The following FLI1 variants were observed in gnomAD, a reference collection of about 807,000 sequenced individuals.
The protein encoded by FLI1 is Fli-1 proto-oncogene, ETS transcription factor.
In FLI1, 13 loss-of-function variants were observed where a neutral mutation model predicts 53.1. The observed-to-expected ratio is 0.24, with a 90% confidence interval of 0.16 to 0.39. FLI1 has a LOEUF of 0.39. Ranked by LOEUF, FLI1 falls within the 10% of genes least tolerant of loss-of-function variation. The probability of loss-of-function intolerance (pLI) is 1.00; values close to 1 mark genes in which losing one functional copy is unlikely to be tolerated. For synonymous variants in FLI1, 244 were observed against 236.7 expected (o/e 1.03, Z -0.28); for missense variants, 424 against 600.5 (o/e 0.71, Z 3.07).
chr11:128,762,443 G>A (rs917971490), intron 2 of FLI1, among the ~76,000 whole-genome samples: 5 of 152,118 alleles, frequency 3.3e-5, no homozygotes, highest in African/African-American at 4.8e-5. Context: ...CTTGAAATAC[G>A]GTTAGTTGAA....
intron 5 of FLI1, among the ~76,000 whole-genome samples, chr11:128,794,672 T>C (rs1942376640): frequency 6.6e-6 from 1 of 152,228 alleles, no homozygotes; most frequent in South Asian, 2.1e-4. Context: ...TCATGAAATA[T>C]CCTTGTTGGA....
upstream of FLI1, chr11:128,686,237 G>A (rs1198823547): frequency 1.2e-5 from 5 of 422,820 alleles, no homozygotes; most frequent in African/African-American, 1.0e-4. Flanking sequence ...CTCTGTCCTG[G>A]TCGCGTTCTC....
At chr11:128,693,941 C>CGAGAGAGAGAGAGAGG (rs1937885478), upstream of FLI1, 46 of 176,744 alleles carry the variant, frequency 2.6e-4, no homozygotes, top group South Asian at 3.9e-3. Context: ...GAGCTCGAGG[C>CGAGAGAGAGAGAGAGG]GAGAGAGAGA....
chr11:128,753,271 C>A (rs969786210), intron 1 of FLI1, among the ~76,000 whole-genome samples: 3 of 152,210 alleles, frequency 2.0e-5, no homozygotes, highest in Non-Finnish European at 2.9e-5. Context: ...AGAGCTGAGC[C>A]CCACATAGGG....
chr11:128,748,805 G>C (rs918871919), intron 1 of FLI1, among the ~76,000 whole-genome samples: 1 of 152,040 alleles, frequency 6.6e-6, no homozygotes, highest in Non-Finnish European at 1.5e-5. Flanking sequence ...TGAGGTGAGG[G>C]GCCAGAGGCA....
At chr11:128,738,855 G>T (rs1940012847) in intron 1 of FLI1, among the ~76,000 whole-genome samples, 1 of 152,176 alleles carries the variant, frequency 6.6e-6, no homozygotes, top group Non-Finnish European at 1.5e-5. Context: ...CAAAGACCCA[G>T]GGCTACATTT....
intron 1 of FLI1, among the ~76,000 whole-genome samples, chr11:128,749,099 C>T (rs972694650): frequency 1.3e-5 from 2 of 152,068 alleles, no homozygotes; most frequent in Admixed American, 6.5e-5. Context: ...ACTGTGTGAA[C>T]CTAGAAGGGT....
In FLI1 at chr11:128,810,360, C is replaced by T; in HGVS notation, c.830-99C>T. 1.6e-6 allele frequency: 2 copies of T among 1,220,228 alleles called. No homozygotes were observed. Among genetic ancestry groups the T allele is most frequent in the South Asian group, 2.9e-5 (2 of 69,622 alleles). The allele number at this position is 1,220,228 out of a possible 1,614,324, so 75.6% of individuals were successfully genotyped here. Reference sequence around the variant, plus strand: ...CAATGTCGAAGGAAACAAAAGGTTTCTTTAAAAGGATGAGAAGCTCCCTGC... The same window carrying T: ...CAATGTCGAAGGAAACAAAAGGTTTTTTTAAAAGGATGAGAAGCTCCCTGC... On this transcript the variant is annotated intron_variant, in intron 8 of 8. Transcript: ENST00000527786. This position sits in a 1 kb window ranked among gnomAD's most constrained non-coding sequence, Gnocchi z 6.6.
At chr11:128,709,199 T>G (rs979308749) in intron 1 of FLI1, among the ~76,000 whole-genome samples, 2 of 152,234 alleles carry the variant, frequency 1.3e-5, no homozygotes, top group African/African-American at 4.8e-5. Flanking sequence ...ATAACGTTAA[T>G]TTTTCTACCA....
intron 5 of FLI1, among the ~76,000 whole-genome samples, chr11:128,792,113 A>G (rs1942292400): frequency 6.6e-6 from 1 of 152,184 alleles, no homozygotes; most frequent in Non-Finnish European, 1.5e-5. Flanking sequence ...TGGCACTATG[A>G]TTATTCCCAT....
intron 1 of FLI1, among the ~76,000 whole-genome samples, chr11:128,755,658 C>A (rs1016949171): frequency 2.6e-5 from 4 of 152,156 alleles, no homozygotes; most frequent in Admixed American, 6.5e-5. Flanking sequence ...AACCAAGAAA[C>A]AAATGGTTCT....
At position 128,731,669 on chromosome 11, in the gene FLI1, G is replaced by T. The variant is rs143029290; in HGVS notation, c.19-26446G>T. Reference sequence around the variant, plus strand: ...AGCCATCATGCTAGAAACGGTCATCGTGATTTGACCTCAGAACCGTCTCCT... The same window carrying T: ...AGCCATCATGCTAGAAACGGTCATCTTGATTTGACCTCAGAACCGTCTCCT... On this transcript the variant is annotated intron_variant, in intron 1 of 8. Transcript: ENST00000527786. Among the ~76,000 whole-genome samples the T allele has an allele frequency of 1.4e-3, 209 of 152,230 alleles. 1 individual carries two copies. The highest frequency in any genetic ancestry group is 4.9e-3 in the African/African-American group (204 of 41,536).
Position 128,810,070 on chromosome 11 carries a change from A to G in FLI1, c.830-389A>G, listed in dbSNP as rs770398394. Among the ~76,000 whole-genome samples the G allele has an allele frequency of 6.6e-6, 1 of 151,958 alleles. No individual in the cohort carries two copies. The highest frequency in any genetic ancestry group is 1.5e-5 in the Non-Finnish European group (1 of 68,000). On this transcript the variant is annotated intron_variant, in intron 8 of 8. Transcript: ENST00000527786. This position sits in a 1 kb window ranked among gnomAD's most constrained non-coding sequence, Gnocchi z 6.6. The stretch of plus-strand genomic sequence containing the variant: ...GACAGGGAATTCCCTGGGGGACATG[A>G]CCACTAATTAGAGATCAGTCAGTGA...
intron 1 of FLI1, among the ~76,000 whole-genome samples, chr11:128,728,827 C>G (rs1413332048): frequency 6.6e-6 from 1 of 152,212 alleles, no homozygotes; most frequent in Non-Finnish European, 1.5e-5. Context: ...TATGATGAAC[C>G]ATCTAGAACT....
At chr11:128,699,678 TTGTGTATTACAGTTC>T (rs1938238801) in intron 1 of FLI1, among the ~76,000 whole-genome samples, 1 of 152,222 alleles carries the variant, frequency 6.6e-6, no homozygotes, top group Non-Finnish European at 1.5e-5. Context: ...ATGTCACTCT[TTGTGTATTACAGTTC>T]TGCCACTGAC....
chr11:128,758,438 GC>G, intron 2 of FLI1, 112 bp downstream of exon 2: 1 of 829,344 alleles, frequency 1.2e-6, no homozygotes, highest in Non-Finnish European at 2.0e-6. Context: ...CTAGAGCTGG[GC>G]CAGGAAGCCT....
Position 128,757,102 on chromosome 11 carries a change from T to C in FLI1, c.19-1013T>C, listed in dbSNP as rs4454737. ...TTTCTTTCTTTCTTTCTTTCTTTCT[T>C]TCTTTCTTTCTCTCTTTCTGTTTTT... On this transcript the variant is annotated intron_variant, in intron 1 of 8. Transcript: ENST00000527786. 4.3e-3 allele frequency among the ~76,000 whole-genome samples: 550 copies of C among 128,730 alleles called. 3 individuals carry two copies. Among genetic ancestry groups the C allele is most frequent in the East Asian group, 0.014 (39 of 2,748 alleles). 84.5% of individuals were successfully genotyped at this position (128,730 alleles called of 152,430 possible).
intron 1 of FLI1, among the ~76,000 whole-genome samples, chr11:128,688,642 C>T (rs1403350513): frequency 2.0e-5 from 3 of 152,082 alleles, no homozygotes; most frequent in African/African-American, 4.8e-5. Context: ...ACCGGGGTCA[C>T]GATCTGAACA....
chr11:128,804,376 C>T (rs1168519281), intron 5 of FLI1: 1 of 152,216 alleles, frequency 6.6e-6, no homozygotes, highest in Non-Finnish European at 1.5e-5. Flanking sequence ...CCTCAAGCTC[C>T]TCTGCTATTC....
Sources: allele counts gnomAD v4.1 joint callset (sites outside exome capture counted in the v4.1 genomes callset), GRCh38; gene constraint gnomAD v4.1.1; non-coding constraint Gnocchi (gnomAD v3.1); transcripts MANE v1.5; gene names NCBI Gene and HGNC (gene_info 2026-07-23, HGNC 2026-07-21).